CLYBL: variants seen among roughly 807,000 people sequenced by gnomAD.
CLYBL encodes citramalyl-CoA lyase, also known as citramalyl-CoA lyase, mitochondrial.
Under a neutral mutation model 38.9 loss-of-function variants are expected in CLYBL, and 31 were observed. That is an observed-to-expected ratio of 0.80 (90% CI 0.60 to 1.08). The LOEUF (loss-of-function observed/expected upper bound fraction) is 1.08, where lower values mean the gene tolerates loss of function less well. CLYBL is among the 50% of genes least tolerant of loss of function. The probability of loss-of-function intolerance (pLI) is 0.00; values close to 1 mark genes in which losing one functional copy is unlikely to be tolerated. For missense variants in CLYBL, 434 were observed against 411.6 expected, an observed-to-expected ratio of 1.05 and a Z score of -0.47; for synonymous variants, 171 against 158.6, an observed-to-expected ratio of 1.08 and a Z score of -0.59.
chr13:99,699,381 G>A lies in CLYBL; in HGVS notation c.63-73443G>A, dbSNP rs187789791. Among the ~76,000 whole-genome samples the A allele has an allele frequency of 2.6e-3, 391 of 150,772 alleles. 1 individual carries two copies. The highest frequency in any genetic ancestry group is 4.3e-3 in the Non-Finnish European group (294 of 67,650). On this transcript the variant is annotated intron_variant, in intron 1 of 8. Transcript: ENST00000339105. ...GCCTGGGCAATAAGAGCGAAACTCC[G>A]GTCTCTAAATAAATAAATAAATAAA...
At chr13:99,619,483 C>T (rs1040669584) in intron 1 of CLYBL, among the ~76,000 whole-genome samples, 7 of 152,212 alleles carry the variant, frequency 4.6e-5, no homozygotes, top group East Asian at 3.8e-4. Context: ...GTGGTTTCTA[C>T]TTTTAGGAAA....
rs1427933275 is a variant in CLYBL at position 99,865,090 on chromosome 13, T to C, written c.634+179T>C. ...CTTCCTGATAATTTAGGGCTCCTCA[T>C]AGCTGCCCTGCTTCTAGAGCACTGC... On this transcript the variant is annotated intron_variant, in intron 5 of 8. Coordinates refer to ENST00000339105, the MANE Select transcript of CLYBL (RefSeq NM_206808.5). This position sits in a 1 kb window ranked among gnomAD's most constrained non-coding sequence, Gnocchi z 4.7. 1.5e-6 allele frequency: 1 copy of C among 651,974 alleles called. No individual in the cohort carries two copies. The highest frequency in any genetic ancestry group is 2.9e-6 in the Non-Finnish European group (1 of 346,348). The allele number at this position is 651,974 out of a possible 1,614,324, so 40.4% of individuals were successfully genotyped here.
intron 1 of CLYBL, among the ~76,000 whole-genome samples, chr13:99,720,623 A>G (rs925755130): frequency 2.0e-5 from 3 of 152,100 alleles, no homozygotes; most frequent in Non-Finnish European, 2.9e-5. Context: ...CTCTTGGATG[A>G]TTGCTTAGTT....
chr13:99,886,419 C>G (rs1449234701), intron 7 of CLYBL, among the ~76,000 whole-genome samples: 7 of 152,252 alleles, frequency 4.6e-5, no homozygotes, highest in Non-Finnish European at 1.0e-4. Flanking sequence ...CTTATCTGAT[C>G]CACGGGCAAT....
intron 7 of CLYBL, among the ~76,000 whole-genome samples, chr13:99,875,279 C>A (rs1442859089): frequency 2.0e-5 from 3 of 152,300 alleles, no homozygotes; most frequent in Non-Finnish European, 4.4e-5. Flanking sequence ...CTGATAAGTT[C>A]ACATTAGTAA....
At chr13:99,838,593 T>C (rs1174636694) in intron 2 of CLYBL, among the ~76,000 whole-genome samples, 2 of 152,220 alleles carry the variant, frequency 1.3e-5, no homozygotes, top group African/African-American at 4.8e-5. Flanking sequence ...TTTTGTTAAA[T>C]GCTGTAATCT....
intron 1 of CLYBL, among the ~76,000 whole-genome samples, chr13:99,624,518 A>C (rs934411025): frequency 1.3e-5 from 2 of 152,232 alleles, no homozygotes; most frequent in African/African-American, 2.4e-5. Flanking sequence ...ACATAGGCCA[A>C]GGTTGTTTTT....
intron 1 of CLYBL, among the ~76,000 whole-genome samples, chr13:99,689,333 T>C (rs892366077): frequency 3.3e-5 from 5 of 152,204 alleles, no homozygotes; most frequent in Admixed American, 6.5e-5. Flanking sequence ...GCTACACATA[T>C]ACCAGTTGTA....
At chr13:99,672,605 C>G (rs1180820269) in intron 1 of CLYBL, among the ~76,000 whole-genome samples, 2 of 149,626 alleles carry the variant, frequency 1.3e-5, no homozygotes, top group African/African-American at 5.0e-5. Flanking sequence ...GAAACCCCAT[C>G]TCTACCAAAA....
chr13:99,668,596 A>AAG (rs1555350280), intron 1 of CLYBL, among the ~76,000 whole-genome samples: 8 of 150,132 alleles, frequency 5.3e-5, no homozygotes, highest in African/African-American at 9.7e-5. Context: ...AAAAAAAAAA[A>AAG]AAAGAAAAAA....
rs540460300 is a variant in CLYBL, at chr13:99,854,372, G to A, written c.250-4489G>A. Reference sequence around the variant, plus strand: ...GTAGTTTTATAAATAAGCCCAAGGGGCTCCTCTTGGTTGTCACAATCCCCC... The same window carrying A: ...GTAGTTTTATAAATAAGCCCAAGGGACTCCTCTTGGTTGTCACAATCCCCC... On this transcript the variant is annotated intron_variant, in intron 2 of 8. Transcript: ENST00000339105. Among the ~76,000 whole-genome samples, 11 of 150,860 alleles carry A rather than the reference G, an allele frequency of 7.3e-5. No individual in the cohort carries two copies. The East Asian group carries it at 1.9e-3, about 27-fold the overall frequency.
chr13:99,824,337 G>A (rs2050652458), intron 2 of CLYBL, among the ~76,000 whole-genome samples: 1 of 138,328 alleles, frequency 7.2e-6, no homozygotes, highest in Non-Finnish European at 1.5e-5. Flanking sequence ...CATGGGAAAT[G>A]TTAACTTCTG....
At chr13:99,816,066 G>A (rs1263041484) in intron 2 of CLYBL, among the ~76,000 whole-genome samples, 1 of 152,174 alleles carries the variant, frequency 6.6e-6, no homozygotes, top group Non-Finnish European at 1.5e-5. Flanking sequence ...TATTTACCAA[G>A]TGCCCAAATG....
chr13:99,862,902 G>GT, intron 3 of CLYBL, 89 bp from the exon 4 acceptor site: 1 of 435,246 alleles, frequency 2.3e-6, no homozygotes, highest in Non-Finnish European at 4.1e-6. Flanking sequence ...ACTTCCTCAG[G>GT]TCAAAGACTT....
At chr13:99,717,436 G>GAAAAAAAAAAA (rs1172721313) in intron 1 of CLYBL, among the ~76,000 whole-genome samples, 8 of 91,106 alleles carry the variant, frequency 8.8e-5, no homozygotes, top group Admixed American at 2.7e-4. Flanking sequence ...AAAAAAATTA[G>GAAAAAAAAAAA]AAAAAAAAAA....
At chr13:99,864,972 T>C in intron 5 of CLYBL, 61 bp downstream of exon 5, 1 of 1,226,332 alleles carries the variant, frequency 8.2e-7, no homozygotes, top group Middle Eastern at 1.9e-4. Flanking sequence ...TGTGTATATA[T>C]TTTTTCTTTG....
chr13:99,637,895 G>A (rs980293395), intron 1 of CLYBL, among the ~76,000 whole-genome samples: 1 of 149,518 alleles, frequency 6.7e-6, no homozygotes. Flanking sequence ...CATAGCAGAT[G>A]CATTAATTTG....
chr13:99,757,452 TTTTA>T (rs1333294274), intron 1 of CLYBL, among the ~76,000 whole-genome samples: 1 of 152,006 alleles, frequency 6.6e-6, no homozygotes, highest in Admixed American at 6.6e-5. Flanking sequence ...TTTATTTTAT[TTTTA>T]TTTATTTATT....
intron 1 of CLYBL, among the ~76,000 whole-genome samples, chr13:99,692,396 A>T (rs1406105342): frequency 1.3e-5 from 2 of 151,018 alleles, no homozygotes; most frequent in African/African-American, 2.4e-5. Flanking sequence ...GGTTCACGCC[A>T]TTCCCCGGCC....
Sources: gnomAD v4.1 joint callset for allele counts (sites outside exome capture counted in the v4.1 genomes callset) on GRCh38, gnomAD v4.1.1 for gene constraint, Gnocchi (gnomAD v3.1) non-coding constraint, MANE v1.5 for transcripts, NCBI Gene and HGNC (gene_info 2026-07-23, HGNC 2026-07-21) for gene names.